The following RHOBTB2 variants were observed in gnomAD, a reference collection of about 807,000 sequenced individuals.
RHOBTB2 encodes the protein Rho related BTB domain containing 2, also known as rho-related BTB domain-containing protein 2.
In RHOBTB2, 39 loss-of-function variants were observed where a neutral mutation model predicts 66.5. The ratio of observed to expected loss-of-function variants is 0.59; its 90% CI spans 0.45 to 0.77. The LOEUF is 0.77. Among genes scored for constraint, RHOBTB2 ranks in the 30% least tolerant of loss-of-function variants. RHOBTB2 has a pLI of 0.00. For missense variants in RHOBTB2, 755 were observed against 999.1 expected (o/e 0.76, Z 3.29); for synonymous variants, 390 against 395.0 (o/e 0.99, Z 0.15).
chr8:22,972,402 A>T, the RHOBTB2 span, among the ~76,000 whole-genome samples: 3 of 152,198 alleles, frequency 2.0e-5, no homozygotes, highest in Non-Finnish European at 2.9e-5. Flanking sequence ...AGACCCCACC[A>T]AAGTCAGCGC....
At chr8:22,956,688 T>C in the RHOBTB2 span, among the ~76,000 whole-genome samples, 1 of 152,156 alleles carries the variant, frequency 6.6e-6, no homozygotes, top group Non-Finnish European at 1.5e-5. Flanking sequence ...TGAGACAGGG[T>C]TTTGCTCTTG....
the RHOBTB2 span, among the ~76,000 whole-genome samples, chr8:22,951,106 A>C: frequency 1.6e-3 from 246 of 152,238 alleles, no homozygotes; most frequent in Admixed American, 8.1e-3. Flanking sequence ...CTTAACTGAT[A>C]TCAGTACTGT....
In RHOBTB2 at chr8:23,008,096, G is replaced by C; in HGVS notation, c.1605G>C (p.Glu535Asp). ...CCATGTTTGGGGGGCCATTTGTGGA[G>C]AGCTCCACCCGGGAGGTAAGGCTGA... is the stretch of plus-strand genomic sequence containing the variant. ...MAAMFGGPFV[E>D]SSTREVVFPY... Residue 535 changes from glutamate to aspartate, a missense_variant, in exon 6 of 10, where the codon GAG becomes GAC. Glu to Asp is a conservative substitution (Grantham distance 45). Transcript: ENST00000251822. The C allele has an allele frequency of 6.2e-7, 1 of 1,612,072 alleles. No individual in the cohort carries two copies. The highest frequency in any genetic ancestry group is 8.5e-7 in the Non-Finnish European group (1 of 1,179,098).
chr8:22,975,621 G>A, the RHOBTB2 span, among the ~76,000 whole-genome samples: 3,625 of 152,240 alleles, frequency 0.024, 132 homozygotes, highest in African/African-American at 0.083. Context: ...CCTGACGGAT[G>A]GGCAGAAACT....
At chr8:22,979,441 T>A in the RHOBTB2 span, among the ~76,000 whole-genome samples, 2 of 152,174 alleles carry the variant, frequency 1.3e-5, no homozygotes, top group South Asian at 4.1e-4. Context: ...TGTATGAATT[T>A]TTTTTGGTTT....
upstream of RHOBTB2, chr8:22,994,771 C>A: frequency 4.4e-6 from 3 of 682,454 alleles, no homozygotes; most frequent in Non-Finnish European, 7.6e-6. Flanking sequence ...AAAAAAAATA[C>A]CTTTCTTTTT....
chr8:22,983,217 G>A (rs11988498), upstream of RHOBTB2, among the ~76,000 whole-genome samples: 51 of 152,136 alleles, frequency 3.4e-4, no homozygotes, highest in African/African-American at 1.2e-3. Context: ...TGGGAACTAC[G>A]GTGGATTAGC....
intron 8 of RHOBTB2, among the ~76,000 whole-genome samples, chr8:23,015,266 A>G (rs1475066103): frequency 6.6e-6 from 1 of 152,128 alleles, no homozygotes; most frequent in Non-Finnish European, 1.5e-5. Flanking sequence ...CCCTTAGCTC[A>G]TTGTCAGTGC....
At chr8:22,955,823 G>T in the RHOBTB2 span, among the ~76,000 whole-genome samples, 1 of 152,038 alleles carries the variant, frequency 6.6e-6, no homozygotes, top group Admixed American at 6.6e-5. Context: ...TCCTACCTTG[G>T]CCTCCTAAAG....
Position 22,999,636 on chromosome 8 carries a change from T to G in RHOBTB2, c.-480T>G, listed in dbSNP as rs1373950743. 5 of 1,241,320 alleles carry G rather than the reference T, an allele frequency of 4.0e-6. No homozygotes were observed. The highest frequency in any genetic ancestry group is 5.2e-6 in the Non-Finnish European group (5 of 969,068). 76.9% of individuals were successfully genotyped at this position (1,241,320 alleles called of 1,614,324 possible). A position where few individuals can be genotyped will look rare whatever the true frequency, so the allele number is the denominator to read the frequency against. ...TTTTTTCTTTTCTTTTTTTTTTCCC[T>G]ATCCTTTTTTTGTGAATGAAAAAAG... On this transcript the variant is annotated 5_prime_UTR_variant, in exon 1 of 10. Transcript: ENST00000251822.
chr8:23,008,133 G>A lies in RHOBTB2; in HGVS notation c.1620+22G>A, dbSNP rs567037082. ...GGAGGTAAGGCTGAGGACACAAAGGGGGGAAGGAGGGAGTGAGACATTTGC... is the reference window on the plus strand; with the variant it reads ...GGAGGTAAGGCTGAGGACACAAAGGAGGGAAGGAGGGAGTGAGACATTTGC... On this transcript the variant is annotated intron_variant, in intron 6 of 9. Transcript: ENST00000251822. 322 of 1,518,402 alleles carry A rather than the reference G, an allele frequency of 2.1e-4. 5 individuals are homozygous for A. In the South Asian group the frequency reaches 3.4e-3, roughly 16 times the overall value. 94.1% of individuals were successfully genotyped at this position (1,518,402 alleles called of 1,614,324 possible).
intron 7 of RHOBTB2, among the ~76,000 whole-genome samples, chr8:23,012,370 T>G (rs1811172345): frequency 6.6e-6 from 1 of 152,220 alleles, no homozygotes; most frequent in Non-Finnish European, 1.5e-5. Context: ...AAAGGCTTAT[T>G]GAAAATAATG....
the RHOBTB2 span, among the ~76,000 whole-genome samples, chr8:22,953,066 C>T: frequency 3.9e-5 from 6 of 152,114 alleles, no homozygotes; most frequent in Non-Finnish European, 7.4e-5. Context: ...CCTGATTTTT[C>T]CCCTGGGGTG....
chr8:22,981,299 G>T, the RHOBTB2 span, among the ~76,000 whole-genome samples: 2 of 152,298 alleles, frequency 1.3e-5, no homozygotes, highest in South Asian at 4.1e-4. Flanking sequence ...CTTATCTCTG[G>T]TTGTGGTGAC....
chr8:22,999,232 C>T (rs1485973926), upstream of RHOBTB2: 1 of 151,712 alleles, frequency 6.6e-6, no homozygotes, highest in Admixed American at 6.6e-5. Context: ...CACACGTTCT[C>T]CTCCAACTAG....
the RHOBTB2 span, among the ~76,000 whole-genome samples, chr8:22,961,213 C>T: frequency 1.1e-4 from 16 of 149,892 alleles, no homozygotes; most frequent in African/African-American, 4.1e-4. Context: ...TGCAATCTAC[C>T]TTAGTAGTAA....
At chr8:22,969,135 A>G in the RHOBTB2 span, among the ~76,000 whole-genome samples, 493 of 152,348 alleles carry the variant, frequency 3.2e-3, 5 homozygotes, top group African/African-American at 0.011. Context: ...TGAAAGGCAC[A>G]TCTTAAATGG....
chr8:22,970,464 C>T, the RHOBTB2 span, among the ~76,000 whole-genome samples: 2 of 152,060 alleles, frequency 1.3e-5, no homozygotes, highest in African/African-American at 4.8e-5. Flanking sequence ...GTAAGCTGGG[C>T]ATTGTGCATG....
Position 23,019,034 on chromosome 8 carries a change from ACT to A in RHOBTB2, c.*1568_*1569del, listed in dbSNP as rs1282617124. 6.6e-6 allele frequency: 1 copy of A among 152,052 alleles called. No homozygotes were observed. The highest frequency in any genetic ancestry group is 1.5e-5 in the Non-Finnish European group (1 of 68,072). 9.4% of individuals were successfully genotyped at this position (152,052 alleles called of 1,614,324 possible). A position where few individuals can be genotyped will look rare whatever the true frequency, so the allele number is the denominator to read the frequency against. ...CCCCGACTCAGATTTCACCACCCAC[ACT>A]CTTTTTAGGTGTAAAAGATGGAGTC... is the stretch of plus-strand genomic sequence containing the variant. On this transcript the variant is annotated 3_prime_UTR_variant, in exon 10 of 10. Transcript: ENST00000251822.
Sources: gnomAD v4.1 joint callset for allele counts (sites outside exome capture counted in the v4.1 genomes callset) on GRCh38, gnomAD v4.1.1 for gene constraint, MANE v1.5 for transcripts, NCBI Gene and HGNC (gene_info 2026-07-23, HGNC 2026-07-21) for gene names.